DNAH9: variants seen among roughly 807,000 people sequenced by gnomAD.
The protein encoded by DNAH9 is dynein axonemal heavy chain 9.
Under a neutral mutation model 471.6 loss-of-function variants are expected in DNAH9, and 345 were observed. The observed-to-expected ratio is 0.73, with a 90% CI of 0.67 to 0.80. The LOEUF (loss-of-function observed/expected upper bound fraction) is 0.80, where lower values mean the gene tolerates loss of function less well. Among genes scored for constraint, DNAH9 ranks in the 30% least tolerant of loss-of-function variants. The pLI, the probability that DNAH9 is intolerant of heterozygous loss-of-function variation, is 0.00. For missense variants in DNAH9, 5,407 were observed against 5,609.2 expected (o/e 0.96, Z 1.15); for synonymous variants, 2,093 against 2,123.6 (o/e 0.99, Z 0.40).
At chr17:11,652,377 C>T (rs1031103494) in intron 13 of DNAH9, among the ~76,000 whole-genome samples, 1 of 149,752 alleles carries the variant, frequency 6.7e-6, no homozygotes, top group African/African-American at 2.5e-5. Flanking sequence ...GCTCTGCCTC[C>T]CGGGTTCACG....
chr17:11,969,056 T>A (rs572754350), intron 68 of DNAH9, among the ~76,000 whole-genome samples: 1 of 152,224 alleles, frequency 6.6e-6, no homozygotes, highest in Admixed American at 6.5e-5. Flanking sequence ...AAGGGATTCA[T>A]TTGTATATGA....
At chr17:11,943,711 T>G (rs372793477) in intron 67 of DNAH9, among the ~76,000 whole-genome samples, 26 of 151,646 alleles carry the variant, frequency 1.7e-4, no homozygotes, top group Admixed American at 1.7e-3. Context: ...AAGGTTAGGG[T>G]TTTTTTTGTT....
intron 39 of DNAH9, 101 bp downstream of exon 39, chr17:11,781,275 C>G: frequency 7.9e-7 from 1 of 1,264,354 alleles, no homozygotes; most frequent in Non-Finnish European, 1.1e-6. Context: ...CTCAGCATAG[C>G]TCTGGTGCCA....
chr17:11,612,041 G>A (rs778500699), intron 4 of DNAH9: 72 of 597,992 alleles, frequency 1.2e-4, no homozygotes, highest in Non-Finnish European at 1.9e-4. Context: ...GTTGGTTATG[G>A]GGCATACACT....
intron 49 of DNAH9, among the ~76,000 whole-genome samples, chr17:11,842,846 T>A (rs1028452878): frequency 3.3e-5 from 5 of 152,080 alleles, no homozygotes; most frequent in African/African-American, 1.2e-4. Context: ...CAAGTGTTAA[T>A]CTCCTTTGGC....
At chr17:11,745,859 TTG>T (rs142398071) in intron 31 of DNAH9, among the ~76,000 whole-genome samples, 1 of 151,630 alleles carries the variant, frequency 6.6e-6, no homozygotes, top group African/African-American at 2.4e-5. Context: ...GTATTATGTA[TTG>T]TGTGTGTGTG....
At chr17:11,905,565 C>T in intron 60 of DNAH9, 96 bp from the exon 61 acceptor site, 1 of 1,333,602 alleles carries the variant, frequency 7.5e-7, no homozygotes, top group Non-Finnish European at 1.0e-6. Flanking sequence ...TGACCTTGAG[C>T]ATGTTCTTTC....
At position 11,610,549 on chromosome 17, in the gene DNAH9, G is replaced by C; in HGVS notation, c.768G>C (p.Lys256Asn). Residue 256 changes from lysine (K) to asparagine (N), a missense_variant, in exon 3 of 69, where the codon AAG becomes AAC. Lys to Asn is a moderately conservative substitution (Grantham distance 94, BLOSUM62 0). Around this residue, in one of 3 missense-constraint regions of DNAH9, gnomAD observed 767 missense variants for 692.5 expected, o/e 1.11. Coordinates refer to ENST00000262442, the MANE Select transcript of DNAH9 (RefSeq NM_001372.4). ...PTPKVELEFWKSRYEDLKYIY... is the reference protein window; with the variant it reads ...PTPKVELEFWNSRYEDLKYIY... Reference sequence around the variant, plus strand: ...CTAAGGTGGAGTTGGAGTTCTGGAAGAGCAGGTAGGCAAGAAGGCACATGC... The same window carrying C: ...CTAAGGTGGAGTTGGAGTTCTGGAACAGCAGGTAGGCAAGAAGGCACATGC... 1 of 1,612,344 alleles carries C rather than the reference G, an allele frequency of 6.2e-7. No homozygotes were observed. Among genetic ancestry groups the C allele is most frequent in the South Asian group, 1.1e-5 (1 of 90,954 alleles).
chr17:11,799,916 A>G (rs2150916115), intron 43 of DNAH9, among the ~76,000 whole-genome samples: 1 of 152,134 alleles, frequency 6.6e-6, no homozygotes, highest in South Asian at 2.1e-4. Context: ...CCGTGCCCCT[A>G]AGCAGCTAGA....
rs766916301 is a variant in DNAH9 at position 11,969,190 on chromosome 17, C to A, written c.13234-110C>A. 1.3e-4 allele frequency: 115 copies of A among 910,800 alleles called. No individual in the cohort carries two copies. The African/African-American group carries it at 1.8e-3, about 14-fold the overall frequency. 56.4% of individuals were successfully genotyped at this position (910,800 alleles called of 1,614,324 possible). A position where few individuals can be genotyped will look rare whatever the true frequency, so the allele number is the denominator to read the frequency against. On this transcript the variant is annotated intron_variant, in intron 68 of 68. Coordinates refer to ENST00000262442, the MANE Select transcript of DNAH9 (RefSeq NM_001372.4). ...ACCTGGAAGGGGGCAGGCATAAAGGCAGCCATGTCAGTCCAGTCTTTCCTC... is the reference window on the plus strand; with the variant it reads ...ACCTGGAAGGGGGCAGGCATAAAGGAAGCCATGTCAGTCCAGTCTTTCCTC...
At chr17:11,913,583 C>A (rs1466285955) in intron 61 of DNAH9, among the ~76,000 whole-genome samples, 1 of 152,038 alleles carries the variant, frequency 6.6e-6, no homozygotes, top group Non-Finnish European at 1.5e-5. Context: ...GAGATCGAGA[C>A]CATCCTGGCT....
chr17:11,598,505 C>T lies in DNAH9; in HGVS notation c.7C>T (p.Leu3Phe), dbSNP rs555429163. The T allele has an allele frequency of 2.0e-5, 28 of 1,376,812 alleles. No individual in the cohort carries two copies. The African/African-American group carries it at 3.7e-4, about 18-fold the overall frequency. 85.3% of individuals were successfully genotyped at this position (1,376,812 alleles called of 1,614,324 possible). ...CAGCTGGAGGCCGCGCGCGATGCGGCTCGCGGAGGAGCGGGCCGCGCTCGC... is the reference window on the plus strand; with the variant it reads ...CAGCTGGAGGCCGCGCGCGATGCGGTTCGCGGAGGAGCGGGCCGCGCTCGC... MR[L>F]AEERAALAAE... The change falls in exon 1 of 69, where the codon CTC (leucine) becomes TTC (phenylalanine). Residue 3 changes from leucine to phenylalanine, a missense_variant. Physicochemically the swap from Leu to Phe is conservative, Grantham distance 22. Coordinates refer to ENST00000262442, the MANE Select transcript of DNAH9 (RefSeq NM_001372.4).
chr17:11,949,601 C>A (rs1975285846), intron 67 of DNAH9, among the ~76,000 whole-genome samples: 1 of 152,108 alleles, frequency 6.6e-6, no homozygotes, highest in South Asian at 2.1e-4. Flanking sequence ...CCTGCCTCAA[C>A]CTCCTGAGTA....
chr17:11,705,203 C>T lies in DNAH9; in HGVS notation c.5552+18C>T. On this transcript the variant is annotated intron_variant, in intron 26 of 68. Coordinates refer to ENST00000262442, the MANE Select transcript of DNAH9 (RefSeq NM_001372.4). ...ACTGACAGGTGAGCACTGGTGTCAA[C>T]CACTGACAGCCTTACTGCTGTCTGG... 1 of 1,611,872 alleles carries T rather than the reference C, an allele frequency of 6.2e-7. No individual in the cohort carries two copies. Among genetic ancestry groups the T allele is most frequent in the Non-Finnish European group, 8.5e-7 (1 of 1,178,338 alleles).
intron 41 of DNAH9, among the ~76,000 whole-genome samples, chr17:11,792,798 G>A (rs999872882): frequency 6.6e-6 from 1 of 152,172 alleles, no homozygotes; most frequent in Non-Finnish European, 1.5e-5. Flanking sequence ...CCTCATTGTG[G>A]GTGATTCAAA....
Position 11,962,301 on chromosome 17 carries a change from T to G in DNAH9, c.13233+45T>G, listed in dbSNP as rs778560608. The G allele has an allele frequency of 5.0e-5, 76 of 1,528,762 alleles. No individual in the cohort carries two copies. Among genetic ancestry groups the G allele is most frequent in the Non-Finnish European group, 6.6e-5 (76 of 1,143,714 alleles). The allele number at this position is 1,528,762 out of a possible 1,614,324, so 94.7% of individuals were successfully genotyped here. ...AAAGGGCAGCTTTCTGGGGGCTGAT[T>G]AAATACACATTGCTTCCTATGAAGT... On this transcript the variant is annotated intron_variant, in intron 68 of 68. Transcript: ENST00000262442. This position sits in a 1 kb window ranked among gnomAD's most constrained non-coding sequence, Gnocchi z 4.1.
intron 10 of DNAH9, among the ~76,000 whole-genome samples, chr17:11,643,631 C>T (rs1046963726): frequency 6.6e-6 from 1 of 152,170 alleles, no homozygotes; most frequent in African/African-American, 2.4e-5. Flanking sequence ...TGTTCCTAGG[C>T]TACAAATGCC....
Position 11,629,086 on chromosome 17 carries a change from C to CT in DNAH9, c.1351-319dup, listed in dbSNP as rs58325408. Among the ~76,000 whole-genome samples the CT allele has an allele frequency of 2.5e-3, 357 of 144,288 alleles. 1 individual carries two copies. Among genetic ancestry groups the CT allele is most frequent in the Admixed American group, 3.7e-3 (53 of 14,304 alleles). 94.7% of individuals were successfully genotyped at this position (144,288 alleles called of 152,430 possible). ...TATGATCATGATGATGATTTTAACT[C>CT]TTTTTTTTTTTTACTTCTTTTTTTT... is the stretch of plus-strand genomic sequence containing the variant. On this transcript the variant is annotated intron_variant, in intron 6 of 68. Coordinates refer to ENST00000262442, the MANE Select transcript of DNAH9 (RefSeq NM_001372.4).
rs979934639 is a variant in DNAH9, at chr17:11,793,680, T to C, written c.8223+16T>C. ...AACTTTTGATGTGAGTATTGCCCTA[T>C]GGATTTTCTTTGTATTTGAAAAAAA... On this transcript the variant is annotated intron_variant, in intron 42 of 68. Transcript: ENST00000262442. 8 of 1,559,140 alleles carry C rather than the reference T, an allele frequency of 5.1e-6. No individual in the cohort carries two copies. The highest frequency in any genetic ancestry group is 6.1e-6 in the Non-Finnish European group (7 of 1,153,916).
Sources: gnomAD v4.1 joint callset for allele counts (sites outside exome capture counted in the v4.1 genomes callset) on GRCh38, gnomAD v4.1.1 for gene constraint, gnomAD v4.1.1 regional missense constraint, Gnocchi (gnomAD v3.1) non-coding constraint, MANE v1.5 for transcripts, NCBI Gene and HGNC (gene_info 2026-07-23, HGNC 2026-07-21) for gene names.